The following SIRT2 variants were observed in gnomAD, a reference collection of about 807,000 sequenced individuals.
SIRT2 encodes sirtuin 2.
SIRT2 carries 40 observed loss-of-function variants against 57.4 expected under a neutral mutation model. The ratio of observed to expected loss-of-function variants is 0.70; its 90% CI spans 0.54 to 0.91. The LOEUF is 0.91. SIRT2 is among the 40% of genes least tolerant of loss of function. SIRT2 has a pLI of 0.00. For synonymous variants in SIRT2, 161 were observed against 195.7 expected, an observed-to-expected ratio of 0.82 and a Z score of 1.48; for missense variants, 439 against 510.4, an observed-to-expected ratio of 0.86 and a Z score of 1.35.
At chr19:38,895,666 G>T (rs1027105938) in intron 2 of SIRT2, among the ~76,000 whole-genome samples, 1 of 152,232 alleles carries the variant, frequency 6.6e-6, no homozygotes, top group African/African-American at 2.4e-5. Context: ...GCTGGGCGTG[G>T]TGGCTCATGC....
At chr19:38,898,237 A>G (rs1973791074) in intron 2 of SIRT2, 142 bp downstream of exon 2, 1 of 489,548 alleles carries the variant, frequency 2.0e-6, no homozygotes, top group East Asian at 3.5e-5. Context: ...TTTCCCCAGA[A>G]AGCTGCACTG....
chr19:38,888,412 ATC>A (rs1300005372), intron 8 of SIRT2, among the ~76,000 whole-genome samples: 5 of 151,016 alleles, frequency 3.3e-5, no homozygotes, highest in African/African-American at 1.2e-4. Context: ...GGCTCGAGCT[ATC>A]TCTCGCTTTG....
intron 8 of SIRT2, among the ~76,000 whole-genome samples, chr19:38,884,552 G>A (rs1211973835): frequency 6.6e-6 from 1 of 151,970 alleles, no homozygotes; most frequent in Non-Finnish European, 1.5e-5. Context: ...AGGTTCAAGA[G>A]ATTTTCCTGC....
chr19:38,889,080 C>A lies in SIRT2; in HGVS notation c.501+7G>T. 2 of 1,611,100 alleles carry A rather than the reference C, an allele frequency of 1.2e-6. No individual in the cohort carries two copies. The highest frequency in any genetic ancestry group is 2.2e-5 in the South Asian group (2 of 91,072). ...ATCCTCCTCCCAGGATGCTCGCATCCGCCTACCTGCGTGTAGCAGCGCAGG... is the reference window on the plus strand; with the variant it reads ...ATCCTCCTCCCAGGATGCTCGCATCAGCCTACCTGCGTGTAGCAGCGCAGG... On this transcript the variant is annotated splice_region_variant and intron_variant, in intron 8 of 15. Transcript: ENST00000249396.
chr19:38,897,619 C>T (rs771591943), intron 2 of SIRT2, among the ~76,000 whole-genome samples: 7 of 151,980 alleles, frequency 4.6e-5, no homozygotes, highest in Non-Finnish European at 1.0e-4. Flanking sequence ...ACCTCCTGGG[C>T]TTAAGCAATC....
intron 4 of SIRT2, among the ~76,000 whole-genome samples, chr19:38,890,389 G>A (rs1392069589): frequency 6.6e-6 from 1 of 152,180 alleles, no homozygotes; most frequent in Non-Finnish European, 1.5e-5. Flanking sequence ...GCCAGCCAGC[G>A]GATAAAGAAT....
At chr19:38,890,069 T>C in intron 5 of SIRT2, 34 bp downstream of exon 5, 1 of 1,614,000 alleles carries the variant, frequency 6.2e-7, no homozygotes, top group Non-Finnish European at 8.5e-7. Flanking sequence ...CCCCAGTTCC[T>C]GGGGGTAGCT....
In SIRT2 at chr19:38,880,587, CA is replaced by C; in HGVS notation, c.876+97del. On this transcript the variant is annotated intron_variant, in intron 13 of 15. Transcript: ENST00000249396. This position sits in a 1 kb window ranked among gnomAD's most constrained non-coding sequence, Gnocchi z 4.1. ...GCCCCAGGTTCTGAGCTGAGGAATG[CA>C]AAGTGCTGGGGTTCCACAGTGGGGG... The C allele has an allele frequency of 1.2e-6, 1 of 823,534 alleles. No individual in the cohort carries two copies. The highest frequency in any genetic ancestry group is 1.8e-5 in the South Asian group (1 of 56,700). The allele number at this position is 823,534 out of a possible 1,614,324, so 51.0% of individuals were successfully genotyped here. A position where few individuals can be genotyped will look rare whatever the true frequency, so the allele number is the denominator to read the frequency against.
chr19:38,888,770 C>T lies in SIRT2; in HGVS notation c.501+317G>A, dbSNP rs145457638. On this transcript the variant is annotated intron_variant, in intron 8 of 15. Transcript: ENST00000249396. The stretch of plus-strand genomic sequence containing the variant: ...GGTGCCTATAGTGCACACAGAGTCC[C>T]TTCAGCCATAGGCTCCTTCCACATC... Among the ~76,000 whole-genome samples the T allele has an allele frequency of 2.3e-3, 352 of 152,344 alleles. 1 individual carries two copies. In the East Asian group the frequency reaches 0.024, roughly 10 times the overall value.
chr19:38,883,816 G>A (rs1164650315), intron 8 of SIRT2, 60 bp from the exon 9 acceptor site: 1 of 1,587,556 alleles, frequency 6.3e-7, no homozygotes, highest in Non-Finnish European at 8.6e-7. Context: ...TAGGCCAGAA[G>A]GCACAGTAGG....
intron 1 of SIRT2, among the ~76,000 whole-genome samples, chr19:38,899,129 C>G (rs1229773506): frequency 6.6e-6 from 1 of 152,032 alleles, no homozygotes; most frequent in African/African-American, 2.4e-5. Context: ...AGGCGCGGAA[C>G]AAGGGGAAGC....
chr19:38,879,041 T>C lies in SIRT2; in HGVS notation c.*114A>G, dbSNP rs934797626. ...GTTTTGGGGAGGGAGCTGTAAGAGA[T>C]TGGGGGATGTTCTGAGCTCCCCAGA... is the stretch of plus-strand genomic sequence containing the variant. On this transcript the variant is annotated 3_prime_UTR_variant, in exon 16 of 16. Transcript: ENST00000249396. 1.0e-5 allele frequency: 12 copies of C among 1,151,304 alleles called. No homozygotes were observed. The highest frequency in any genetic ancestry group is 2.7e-5 in the Admixed American group (1 of 37,482). 71.3% of individuals were successfully genotyped at this position (1,151,304 alleles called of 1,614,324 possible).
intron 8 of SIRT2, among the ~76,000 whole-genome samples, chr19:38,888,683 T>C (rs1973419879): frequency 6.6e-6 from 1 of 152,176 alleles, no homozygotes; most frequent in Admixed American, 6.5e-5. Context: ...CGTGTCATAG[T>C]GTATGGATTT....
At chr19:38,893,679 C>G (rs895990721) in intron 3 of SIRT2, 140 bp downstream of exon 3, 9 of 1,251,906 alleles carry the variant, frequency 7.2e-6, no homozygotes, top group Non-Finnish European at 1.0e-5. Context: ...GGAGCCTGCT[C>G]TGGCACTGGT....
chr19:38,888,674 G>A (rs144678195), intron 8 of SIRT2, among the ~76,000 whole-genome samples: 3 of 152,350 alleles, frequency 2.0e-5, no homozygotes, highest in African/African-American at 2.4e-5. Flanking sequence ...TGTTGGACAC[G>A]TGTCATAGTG....
At chr19:38,888,920 G>A (rs749422621) in intron 8 of SIRT2, among the ~76,000 whole-genome samples, 167 bp downstream of exon 8, 42 of 152,370 alleles carry the variant, frequency 2.8e-4, no homozygotes, top group Admixed American at 7.8e-4. Flanking sequence ...CAGAGAAGAC[G>A]TGACTCACGG....
rs546840482 is a variant in SIRT2, at chr19:38,888,928, C to T, written c.501+159G>A. Among the ~76,000 whole-genome samples, 17 of 152,346 alleles carry T rather than the reference C, an allele frequency of 1.1e-4. No homozygotes were observed. In the East Asian group the frequency reaches 2.5e-3, roughly 22 times the overall value. On this transcript the variant is annotated intron_variant, in intron 8 of 15. Coordinates refer to ENST00000249396, the MANE Select transcript of SIRT2 (RefSeq NM_012237.4). ...ACTGAGGCAGAGAAGACGTGACTCACGGCAGGTCATGCAGCAAGGAGGCAG... is the reference window on the plus strand; with the variant it reads ...ACTGAGGCAGAGAAGACGTGACTCATGGCAGGTCATGCAGCAAGGAGGCAG...
At chr19:38,898,496 TC>T in intron 1 of SIRT2, 71 bp from the exon 2 acceptor site, 1 of 824,018 alleles carries the variant, frequency 1.2e-6, no homozygotes, top group South Asian at 2.5e-5. Context: ...GTTCAAATGG[TC>T]AGTGAGGGGG....
intron 8 of SIRT2, among the ~76,000 whole-genome samples, chr19:38,888,033 C>T (rs573481055): frequency 2.6e-5 from 4 of 151,920 alleles, no homozygotes; most frequent in Admixed American, 2.0e-4. Context: ...GGATTACAGG[C>T]GTGAGCCACC....
Sources: gnomAD v4.1 joint callset for allele counts (sites outside exome capture counted in the v4.1 genomes callset) on GRCh38, gnomAD v4.1.1 for gene constraint, Gnocchi (gnomAD v3.1) non-coding constraint, MANE v1.5 for transcripts, NCBI Gene and HGNC (gene_info 2026-07-23, HGNC 2026-07-21) for gene names.